Variants in BCL2L11 observed in about 807,000 individuals in gnomAD.
The protein encoded by BCL2L11 is BCL2 like 11.
In BCL2L11, 15 loss-of-function variants were observed where a neutral mutation model predicts 20.6. That is an observed-to-expected ratio of 0.73 (90% CI 0.49 to 1.12). The LOEUF is 1.12. BCL2L11 is among the 50% of genes most tolerant of loss of function. The pLI is 0.00. For synonymous variants in BCL2L11, 108 were observed against 92.8 expected (o/e 1.16, Z -0.94); for missense variants, 292 against 260.9 (o/e 1.12, Z -0.82).
rs954252719 is a variant in BCL2L11 at position 111,121,163 on chromosome 2, C to T, written c.-39C>T. On this transcript the variant is annotated 5_prime_UTR_variant, in exon 1 of 4. Transcript: ENST00000393256. ...CCCTTGTTCCCCCAAATGTCTGACT[C>T]TGACTCTCGGACTGAGAAACGCAAG... is the stretch of plus-strand genomic sequence containing the variant. The T allele has an allele frequency of 7.9e-6, 2 of 253,038 alleles. No individual in the cohort carries two copies. Among genetic ancestry groups the T allele is most frequent in the African/African-American group, 4.6e-5 (2 of 43,402 alleles). The allele number at this position is 253,038 out of a possible 1,614,324, so 15.7% of individuals were successfully genotyped here.
At chr2:111,134,610 T>TC (rs1328680583) in intron 2 of BCL2L11, among the ~76,000 whole-genome samples, 1 of 151,514 alleles carries the variant, frequency 6.6e-6, no homozygotes, top group African/African-American at 2.4e-5. Flanking sequence ...TTTTTCCCCT[T>TC]CCAATGTTCT....
In BCL2L11 at chr2:111,121,009, C is replaced by T. The variant is rs1026451756; in HGVS notation, c.-193C>T. The T allele has an allele frequency of 3.2e-5, 13 of 403,086 alleles. No homozygotes were observed. The highest frequency in any genetic ancestry group is 7.6e-5 in the South Asian group (2 of 26,212). The allele number at this position is 403,086 out of a possible 1,614,324, so 25.0% of individuals were successfully genotyped here. On this transcript the variant is annotated 5_prime_UTR_variant, in exon 1 of 4. Transcript: ENST00000393256. ...CCGCCGCCGCCGCCGCCGCCGCCGC[C>T]GCCGCCGCCGCCACTACCACCACTT...
intron 2 of BCL2L11, among the ~76,000 whole-genome samples, chr2:111,137,739 T>C (rs2075156544): frequency 6.6e-6 from 1 of 151,352 alleles, no homozygotes; most frequent in African/African-American, 2.4e-5. Context: ...GGTCCTCTAA[T>C]GGGAGGGGAG....
At position 111,167,652 on chromosome 2, in the gene BCL2L11, C is replaced by T. The variant is rs2079086476; in HGVS notation, c.*3421C>T. The T allele has an allele frequency of 6.6e-6, 1 of 152,248 alleles. No individual in the cohort carries two copies. The highest frequency in any genetic ancestry group is 2.4e-5 in the African/African-American group (1 of 41,448). 9.4% of individuals were successfully genotyped at this position (152,248 alleles called of 1,614,324 possible). On this transcript the variant is annotated 3_prime_UTR_variant, in exon 4 of 4. Transcript: ENST00000393256. ...GGACAGGTGGCTCCTGCCTAAGGACCACCTCAGGCCACTAACCCCTTGTGG... is the reference window on the plus strand; with the variant it reads ...GGACAGGTGGCTCCTGCCTAAGGACTACCTCAGGCCACTAACCCCTTGTGG...
At chr2:111,156,272 G>C (rs2077841418) in intron 3 of BCL2L11, among the ~76,000 whole-genome samples, 1 of 152,200 alleles carries the variant, frequency 6.6e-6, no homozygotes, top group Admixed American at 6.5e-5. Flanking sequence ...CTGCACATCA[G>C]ATATTAAATT....
rs116907128 is a variant in BCL2L11 at position 111,121,122 on chromosome 2, C to A, written c.-80C>A. 0.02 allele frequency: 5,465 copies of A among 279,930 alleles called. 438 individuals carry two copies. The highest frequency in any genetic ancestry group is 0.14 in the Admixed American group (2,619 of 18,484). 17.3% of individuals were successfully genotyped at this position (279,930 alleles called of 1,614,324 possible). On this transcript the variant is annotated 5_prime_UTR_variant, in exon 1 of 4. Transcript: ENST00000393256. ...CGCTGCGTTCCCGCCGCCACCGCCT[C>A]GGCGCCCTTTCTTGGCCCTTGTTCC... is the stretch of plus-strand genomic sequence containing the variant.
chr2:111,121,768 C>T (rs886453917), intron 1 of BCL2L11, among the ~76,000 whole-genome samples: 2 of 152,242 alleles, frequency 1.3e-5, no homozygotes, highest in Non-Finnish European at 2.9e-5. Flanking sequence ...CTCAAGCGTA[C>T]CTGGGGCCCC....
intron 2 of BCL2L11, among the ~76,000 whole-genome samples, chr2:111,126,476 C>G (rs1293496994): frequency 6.6e-6 from 1 of 151,958 alleles, no homozygotes; most frequent in Non-Finnish European, 1.5e-5. Flanking sequence ...GTTAATGTAC[C>G]GAGGTAAGTT....
intron 2 of BCL2L11, among the ~76,000 whole-genome samples, chr2:111,127,419 CTTTTTTTT>C (rs774187139): frequency 8.0e-6 from 1 of 125,070 alleles, no homozygotes; most frequent in African/African-American, 3.0e-5. Flanking sequence ...TAATGGCTTT[CTTTTTTTT>C]TTTTTTTTTT....
At chr2:111,137,057 A>G (rs1318595684) in intron 2 of BCL2L11, among the ~76,000 whole-genome samples, 1 of 152,130 alleles carries the variant, frequency 6.6e-6, no homozygotes, top group Non-Finnish European at 1.5e-5. Flanking sequence ...CACTCCTGAA[A>G]ATGGCTGGGT....
At chr2:111,138,431 A>C (rs1426771750) in intron 2 of BCL2L11, among the ~76,000 whole-genome samples, 1 of 152,142 alleles carries the variant, frequency 6.6e-6, no homozygotes, top group East Asian at 1.9e-4. Context: ...TTATAATTTT[A>C]ATCTTTGTTT....
chr2:111,164,160 G>A lies in BCL2L11; in HGVS notation c.526G>A (p.Glu176Lys), dbSNP rs1170116948. The A allele has an allele frequency of 2.0e-6, 3 of 1,514,672 alleles. No individual in the cohort carries two copies. Among genetic ancestry groups the A allele is most frequent in the Non-Finnish European group, 2.7e-6 (3 of 1,116,338 alleles). The allele number at this position is 1,514,672 out of a possible 1,614,324, so 93.8% of individuals were successfully genotyped here. The change falls in exon 4 of 4, where the codon GAA (glutamate) becomes AAA (lysine). Residue 176 changes from glutamate (E) to lysine (K), a missense_variant. By Grantham distance (56) the Glu-to-Lys change is moderately conservative. Coordinates refer to ENST00000393256, the MANE Select transcript of BCL2L11 (RefSeq NM_138621.5). Reference sequence around the variant, plus strand: ...ATTTTTGAATAATTACCAAGCAGCCGAAGACCACCCACGAATGGTTATCTT... The same window carrying A: ...ATTTTTGAATAATTACCAAGCAGCCAAAGACCACCCACGAATGGTTATCTT... The part of the protein sequence containing the change: ...RVFLNNYQAA[E>K]DHPRMVILRL...
intron 3 of BCL2L11, among the ~76,000 whole-genome samples, chr2:111,161,999 G>T (rs1391233012): frequency 6.6e-6 from 1 of 152,174 alleles, no homozygotes; most frequent in Non-Finnish European, 1.5e-5. Flanking sequence ...TTGGCCACTT[G>T]CCCCAGTTTA....
intron 3 of BCL2L11, among the ~76,000 whole-genome samples, chr2:111,158,627 G>A (rs1330825483): frequency 1.3e-5 from 2 of 152,074 alleles, no homozygotes; most frequent in Non-Finnish European, 2.9e-5. Flanking sequence ...TTGAAATTCT[G>A]TAAGAAACAA....
chr2:111,138,012 CTTTT>C (rs66601807), intron 2 of BCL2L11, among the ~76,000 whole-genome samples: 1 of 127,138 alleles, frequency 7.9e-6, no homozygotes, highest in Non-Finnish European at 1.7e-5. Flanking sequence ...TTCTTTCTTT[CTTTT>C]TTTTTTTTTT....
chr2:111,157,305 G>A (rs1466534952), intron 3 of BCL2L11, among the ~76,000 whole-genome samples: 1 of 152,148 alleles, frequency 6.6e-6, no homozygotes, highest in Non-Finnish European at 1.5e-5. Context: ...ACTAAGGCTT[G>A]GCCCTGCTGC....
chr2:111,123,330 T>G (rs1211717930), intron 1 of BCL2L11: 3 of 985,392 alleles, frequency 3.0e-6, no homozygotes, highest in African/African-American at 3.5e-5. Flanking sequence ...CTGCAATCGC[T>G]GCATCTGCGC....
intron 3 of BCL2L11, among the ~76,000 whole-genome samples, chr2:111,155,104 C>A (rs616130): frequency 0.58 from 88,938 of 152,086 alleles, 27,991 homozygotes; most frequent in African/African-American, 0.82. Flanking sequence ...TCCTTAGTGG[C>A]GAGTAGGGAG....
intron 3 of BCL2L11, chr2:111,151,816 C>G (rs2077292755): frequency 6.5e-7 from 1 of 1,540,416 alleles, no homozygotes; most frequent in African/African-American, 1.4e-5. Flanking sequence ...AAAATACTGT[C>G]TTAAGCTGGC....
Sources: gnomAD v4.1 joint callset for allele counts (sites outside exome capture counted in the v4.1 genomes callset) on GRCh38, gnomAD v4.1.1 for gene constraint, MANE v1.5 for transcripts, NCBI Gene and HGNC (gene_info 2026-07-23, HGNC 2026-07-21) for gene names.